Variants in DEAF1 observed in about 807,000 individuals in gnomAD.
The protein encoded by DEAF1 is DEAF1 transcription factor.
A neutral mutation model predicts 58.9 loss-of-function variants in DEAF1; 53 were observed. That is an observed-to-expected ratio of 0.90 (90% CI 0.72 to 1.13). The LOEUF is 1.13. Ranked by LOEUF, DEAF1 falls within the 50% of genes most tolerant of loss-of-function variation. DEAF1 has a pLI of 0.00. For missense variants in DEAF1, 685 were observed against 791.4 expected (o/e 0.87, Z 1.61); for synonymous variants, 385 against 340.4 (o/e 1.13, Z -1.44).
At chr11:656,733 C>G (rs182374333) in intron 10 of DEAF1, among the ~76,000 whole-genome samples, 3 of 152,368 alleles carry the variant, frequency 2.0e-5, no homozygotes, top group East Asian at 3.9e-4. Flanking sequence ...GTACTTGCCC[C>G]CCAGCATAGT....
intron 6 of DEAF1, among the ~76,000 whole-genome samples, chr11:682,275 T>G (rs1364419652): frequency 1.3e-5 from 2 of 152,236 alleles, no homozygotes; most frequent in African/African-American, 2.4e-5. Context: ...GGGCACACAC[T>G]GCTCCACTGT....
chr11:656,018 C>T (rs1416105632), intron 10 of DEAF1, among the ~76,000 whole-genome samples: 4 of 151,756 alleles, frequency 2.6e-5, no homozygotes. Flanking sequence ...ATTTTTAGTA[C>T]AGATGGGGTT....
intron 6 of DEAF1, among the ~76,000 whole-genome samples, chr11:684,367 G>A (rs931176101): frequency 6.6e-6 from 1 of 151,770 alleles, no homozygotes; most frequent in South Asian, 2.1e-4. Flanking sequence ...GCAGTGAGCC[G>A]AGACCGCGCC....
intron 10 of DEAF1, among the ~76,000 whole-genome samples, chr11:663,444 C>T (rs545559457): frequency 6.6e-6 from 1 of 152,264 alleles, no homozygotes; most frequent in African/African-American, 2.4e-5. Flanking sequence ...TGAGACTCAA[C>T]AACAACAACA....
intron 10 of DEAF1, among the ~76,000 whole-genome samples, chr11:665,247 G>A (rs1339411882): frequency 2.1e-5 from 3 of 142,456 alleles, no homozygotes; most frequent in Non-Finnish European, 4.6e-5. Context: ...ACTGAGAGGA[G>A]GAGGACAGGG....
intron 11 of DEAF1, among the ~76,000 whole-genome samples, chr11:650,964 G>C (rs1158514183): frequency 6.6e-6 from 1 of 151,666 alleles, no homozygotes; most frequent in Non-Finnish European, 1.5e-5. Flanking sequence ...TATCAGAAAA[G>C]GTAATTTTTT....
At chr11:658,167 G>A (rs1363510759) in intron 10 of DEAF1, among the ~76,000 whole-genome samples, 1 of 152,170 alleles carries the variant, frequency 6.6e-6, no homozygotes, top group East Asian at 1.9e-4. Context: ...GGTGGCTCAC[G>A]CCTGTAATCC....
Position 678,712 on chromosome 11 carries a change from T to A in DEAF1, c.1237A>T (p.Thr413Ser), listed in dbSNP as rs370451688. Reference sequence around the variant, plus strand: ...AACCTACCTATTTTGGGATGTGACGTTGGCAACGCAGCTTCTGGAAACGGT... The same window carrying A: ...AACCTACCTATTTTGGGATGTGACGATGGCAACGCAGCTTCTGGAAACGGT... Reference protein sequence around the residue: ...IAPFPEAALPTSHPKIVLTSL... With the variant: ...IAPFPEAALPSSHPKIVLTSL... The change falls in exon 9 of 12, where the codon ACG becomes TCG. Residue 413 changes from threonine (T) to serine (S), a missense_variant. Thr to Ser is a moderately conservative substitution (Grantham distance 58, BLOSUM62 1). Transcript: ENST00000382409. 2 of 1,614,170 alleles carry A rather than the reference T, an allele frequency of 1.2e-6. No individual in the cohort carries two copies. The highest frequency in any genetic ancestry group is 1.1e-5 in the South Asian group (1 of 91,078).
chr11:672,014 G>C (rs1456213272), intron 10 of DEAF1, among the ~76,000 whole-genome samples: 1 of 152,110 alleles, frequency 6.6e-6, no homozygotes, highest in Non-Finnish European at 1.5e-5. Flanking sequence ...CAGTGTCACT[G>C]TCATTACCTC....
intron 10 of DEAF1, among the ~76,000 whole-genome samples, chr11:660,982 C>A (rs1417816581): frequency 6.6e-6 from 1 of 152,192 alleles, no homozygotes; most frequent in African/African-American, 2.4e-5. Context: ...CATCCAGGCA[C>A]AGCACAGACC....
chr11:692,888 C>T (rs1860893895), intron 1 of DEAF1, among the ~76,000 whole-genome samples: 1 of 152,118 alleles, frequency 6.6e-6, no homozygotes, highest in Admixed American at 6.5e-5. Context: ...TGTCTGTCTC[C>T]ACGACCAGAC....
rs1421361308 is a variant in DEAF1 at position 684,962 on chromosome 11, T to A, written c.806A>T (p.Asp269Val). Residue 269 changes from aspartate (D) to valine (V), a missense_variant and splice_region_variant, in exon 6 of 12, where the codon GAT becomes GTT. By Grantham distance (152) the Asp-to-Val change is radical. Coordinates refer to ENST00000382409, the MANE Select transcript of DEAF1 (RefSeq NM_021008.4). ...GGCAGCGTGAGGGTTTAAGATCCCA[T>A]CCTGAGATGTGAAAAGAACCACCAT... ...AGRPLQCLIQ[D>V]GILNPHAASC... 1 of 1,551,286 alleles carries A rather than the reference T, an allele frequency of 6.4e-7. No homozygotes were observed. The highest frequency in any genetic ancestry group is 1.4e-5 in the African/African-American group (1 of 72,994).
chr11:700,141 G>A (rs767638025), upstream of DEAF1: 2 of 1,613,820 alleles, frequency 1.2e-6, no homozygotes, highest in African/African-American at 2.7e-5. Flanking sequence ...CCACTCACCA[G>A]CTCTCTTCAG....
rs1197650085 is a variant in DEAF1, at chr11:688,954, G to A, written c.388-494C>T. 3.3e-5 allele frequency among the ~76,000 whole-genome samples: 5 copies of A among 152,062 alleles called. No homozygotes were observed. The highest frequency in any genetic ancestry group is 1.2e-4 in the African/African-American group (5 of 41,388). On this transcript the variant is annotated intron_variant, in intron 2 of 11. Transcript: ENST00000382409. This position sits in a 1 kb window ranked among gnomAD's most constrained non-coding sequence, Gnocchi z 4.3. ...CTGCTTCCAAAATCAGCCTTCAGGC[G>A]GCACAGACCCCGCCACAGGAAGCCA...
At chr11:695,769 G>A (rs755852416), upstream of DEAF1, 435 of 1,238,266 alleles carry the variant, frequency 3.5e-4, no homozygotes, top group Non-Finnish European at 4.0e-4. Context: ...GAAGGAGCGC[G>A]AGCGCGCGGG....
chr11:686,518 G>A lies in DEAF1; in HGVS notation c.804+340C>T, dbSNP rs182169745. 5.9e-5 allele frequency among the ~76,000 whole-genome samples: 9 copies of A among 152,254 alleles called. No homozygotes were observed. The East Asian group carries it at 1.2e-3, about 20-fold the overall frequency. ...TTAGGTGACTTTGAAAGGGTCACAC[G>A]CATTCAAACAGAAGCGATTATCTTA... On this transcript the variant is annotated intron_variant, in intron 5 of 11. Transcript: ENST00000382409.
chr11:665,665 G>C (rs1228169697), intron 10 of DEAF1, among the ~76,000 whole-genome samples: 1 of 152,172 alleles, frequency 6.6e-6, no homozygotes, highest in South Asian at 2.1e-4. Flanking sequence ...CCCAGCTGAC[G>C]CAGCAGCATC....
intron 10 of DEAF1, among the ~76,000 whole-genome samples, chr11:667,391 AGAGG>A (rs137990372): frequency 9.9e-6 from 1 of 100,660 alleles, no homozygotes; most frequent in Non-Finnish European, 1.9e-5. Context: ...AAGGAAGGAG[AGAGG>A]GAGGGAGGGA....
rs112297801 is a variant in DEAF1 at position 665,083 on chromosome 11, G to A, written c.1503+9453C>T. On this transcript the variant is annotated intron_variant, in intron 10 of 11. Coordinates refer to ENST00000382409, the MANE Select transcript of DEAF1 (RefSeq NM_021008.4). ...ACAGGGCGTCACACTCGGTCACTCT[G>A]AGTCCTGGCTCAGCTATTCACACCG... Among the ~76,000 whole-genome samples the A allele has an allele frequency of 4.3e-3, 522 of 120,084 alleles. 1 individual carries two copies. The highest frequency in any genetic ancestry group is 8.7e-3 in the Middle Eastern group (2 of 230). The allele number at this position is 120,084 out of a possible 152,430, so 78.8% of individuals were successfully genotyped here. A position where few individuals can be genotyped will look rare whatever the true frequency, so the allele number is the denominator to read the frequency against.
Sources: allele counts gnomAD v4.1 joint callset (sites outside exome capture counted in the v4.1 genomes callset), GRCh38; gene constraint gnomAD v4.1.1; non-coding constraint Gnocchi (gnomAD v3.1); transcripts MANE v1.5; gene names NCBI Gene and HGNC (gene_info 2026-07-23, HGNC 2026-07-21).